The following FERRY3 variants were observed in gnomAD, a reference collection of about 807,000 sequenced individuals.
FERRY3 encodes protein C12orf4.
the FERRY3 span, among the ~76,000 whole-genome samples, chr12:4,511,528 T>C: frequency 4.7e-4 from 70 of 148,812 alleles, no homozygotes; most frequent in African/African-American, 1.4e-3. Context: ...ACAGAAATTA[T>C]AACAAACTAT....
At chr12:4,533,316 C>T in the FERRY3 span, among the ~76,000 whole-genome samples, 1 of 152,230 alleles carries the variant, frequency 6.6e-6, no homozygotes, top group African/African-American at 2.4e-5. Context: ...ACCTTGTGTT[C>T]CCATTTAGCC....
the FERRY3 span, among the ~76,000 whole-genome samples, chr12:4,532,087 T>A: frequency 2.2e-5 from 3 of 135,272 alleles, no homozygotes; most frequent in Non-Finnish European, 4.6e-5. Context: ...AATTGTGAAT[T>A]TTTTTTTTTT....
chr12:4,519,128 T>C, the FERRY3 span, among the ~76,000 whole-genome samples: 2 of 152,224 alleles, frequency 1.3e-5, no homozygotes, highest in Admixed American at 1.3e-4. This position sits in a 1 kb window ranked among gnomAD's most constrained non-coding sequence, Gnocchi z 4.3. Context: ...TGTCAATTAA[T>C]ATATTGCCAT....
chr12:4,502,282 T>C, the FERRY3 span: 11 of 366,474 alleles, frequency 3.0e-5, no homozygotes, highest in Non-Finnish European at 5.8e-5. The surrounding 1 kb of genome is among the most constrained non-coding windows in gnomAD (Gnocchi z 4.2). Flanking sequence ...TTTTGTTAAA[T>C]GTTCTATCTT....
chr12:4,503,292 G>A, the FERRY3 span, among the ~76,000 whole-genome samples: 2 of 152,280 alleles, frequency 1.3e-5, no homozygotes, highest in East Asian at 3.9e-4. Flanking sequence ...ATGTTAAGAA[G>A]ATGTGATTTC....
At chr12:4,507,809 G>T in the FERRY3 span, among the ~76,000 whole-genome samples, 1 of 152,100 alleles carries the variant, frequency 6.6e-6, no homozygotes, top group Non-Finnish European at 1.5e-5. Flanking sequence ...ATAGTGTTAT[G>T]TAGAAAGCTG....
chr12:4,523,817 G>A, the FERRY3 span, among the ~76,000 whole-genome samples: 1 of 152,128 alleles, frequency 6.6e-6, no homozygotes, highest in Non-Finnish European at 1.5e-5. Flanking sequence ...CGTGGGGTTG[G>A]GGGAGGGGGA....
the FERRY3 span, chr12:4,525,183 A>G: frequency 1.8e-5 from 27 of 1,527,534 alleles, no homozygotes; most frequent in African/African-American, 3.5e-4. Context: ...TAAAAGGTTT[A>G]ACTTTGTAGT....
chr12:4,497,402 T>C, the FERRY3 span, among the ~76,000 whole-genome samples: 1 of 152,206 alleles, frequency 6.6e-6, no homozygotes, highest in Non-Finnish European at 1.5e-5. Flanking sequence ...GTGCTGGTCA[T>C]GTTCCATTTC....
the FERRY3 span, among the ~76,000 whole-genome samples, chr12:4,490,295 A>G: frequency 6.6e-6 from 1 of 152,220 alleles, no homozygotes; most frequent in Admixed American, 6.5e-5. Flanking sequence ...TGATGAGTCA[A>G]GTTTTGTTCA....
At chr12:4,493,225 A>G in the FERRY3 span, among the ~76,000 whole-genome samples, 3 of 151,952 alleles carry the variant, frequency 2.0e-5, no homozygotes, top group Admixed American at 6.5e-5. Context: ...TTTGGGGAGG[A>G]GGGCAGAGGA....
the FERRY3 span, among the ~76,000 whole-genome samples, chr12:4,503,892 C>T: frequency 2.6e-5 from 4 of 152,036 alleles, no homozygotes; most frequent in African/African-American, 9.7e-5. Context: ...ATTAGTTCTT[C>T]CAGAGTAGTA....
chr12:4,532,291 G>T, the FERRY3 span, among the ~76,000 whole-genome samples: 3 of 151,734 alleles, frequency 2.0e-5, no homozygotes, highest in South Asian at 6.2e-4. Flanking sequence ...TGCAGTCTTG[G>T]GGTTATCAGT....
chr12:4,535,899 C>A, the FERRY3 span: 5 of 752,038 alleles, frequency 6.6e-6, no homozygotes, highest in Non-Finnish European at 7.6e-6. The surrounding 1 kb of genome is among the most constrained non-coding windows in gnomAD (Gnocchi z 4.0). Context: ...GGAATCAGTT[C>A]CTATGTTATG....
At chr12:4,518,174 C>T in the FERRY3 span, 19 of 1,613,954 alleles carry the variant, frequency 1.2e-5, no homozygotes, top group Middle Eastern at 1.6e-4. Context: ...CACACCACTT[C>T]GATGATTTCT....
the FERRY3 span, among the ~76,000 whole-genome samples, chr12:4,505,092 G>A: frequency 3.3e-5 from 5 of 152,304 alleles, no homozygotes; most frequent in Non-Finnish European, 5.9e-5. Context: ...GCGACAGAAC[G>A]AGGCTTCGTC....
At chr12:4,523,872 T>C in the FERRY3 span, among the ~76,000 whole-genome samples, 1 of 152,056 alleles carries the variant, frequency 6.6e-6, no homozygotes, top group Non-Finnish European at 1.5e-5. Context: ...GACAAGTTAA[T>C]GGGTGCAGCA....
chr12:4,521,749 G>A, the FERRY3 span, among the ~76,000 whole-genome samples: 1 of 152,084 alleles, frequency 6.6e-6, no homozygotes, highest in African/African-American at 2.4e-5. Flanking sequence ...AAATATATAG[G>A]TTGGTGGATA....
chr12:4,488,923 G>C, the FERRY3 span: 1 of 152,162 alleles, frequency 6.6e-6, no homozygotes, highest in Non-Finnish European at 1.5e-5. The surrounding 1 kb of genome is among the most constrained non-coding windows in gnomAD (Gnocchi z 4.9). Flanking sequence ...AAAAACAATG[G>C]AAAAGGAGGG....
Sources: gnomAD v4.1 joint callset for allele counts (sites outside exome capture counted in the v4.1 genomes callset) on GRCh38, gnomAD v4.1.1 for gene constraint, Gnocchi (gnomAD v3.1) non-coding constraint, MANE v1.5 for transcripts, NCBI Gene and HGNC (gene_info 2026-07-23, HGNC 2026-07-21) for gene names.